DLGAP2: variants seen among roughly 807,000 people sequenced by gnomAD.
DLGAP2 encodes the protein DLG associated protein 2.
In DLGAP2, 26 loss-of-function variants were observed where a neutral mutation model predicts 100.3. The observed-to-expected ratio is 0.26, with a 90% confidence interval of 0.19 to 0.36. The LOEUF (loss-of-function observed/expected upper bound fraction) is 0.36. Ranked by LOEUF, DLGAP2 falls within the 10% of genes least tolerant of loss-of-function variation. DLGAP2 has a pLI of 1.00. For missense variants in DLGAP2, 1,858 were observed against 1,453.2 expected (o/e 1.28, Z -4.53); for synonymous variants, 886 against 630.1 (o/e 1.41, Z -6.08).
intron 7 of DLGAP2, among the ~76,000 whole-genome samples, chr8:1,630,557 C>G (rs905958276): frequency 6.6e-6 from 1 of 152,032 alleles, no homozygotes; most frequent in South Asian, 2.1e-4. Context: ...AAAAAATTAG[C>G]TGGGCATGGT....
chr8:1,682,744 G>T (rs1229042162), intron 12 of DLGAP2, among the ~76,000 whole-genome samples: 1 of 151,472 alleles, frequency 6.6e-6, no homozygotes, highest in East Asian at 1.9e-4. Flanking sequence ...AAAGTGCTAG[G>T]ATTACAGGTA....
intron 1 of DLGAP2, 97 bp downstream of exon 1, chr8:737,922 G>C (rs1172182038): frequency 1.7e-5 from 6 of 359,136 alleles, no homozygotes; most frequent in Middle Eastern, 7.5e-4. Flanking sequence ...GGGACGCCCC[G>C]AGGGCGTCAG....
At chr8:1,183,205 C>CG (rs1269583540) in intron 2 of DLGAP2, among the ~76,000 whole-genome samples, 1 of 152,014 alleles carries the variant, frequency 6.6e-6, no homozygotes, top group Non-Finnish European at 1.5e-5. Context: ...GAGGGCGTCT[C>CG]GGAGCGGGGT....
chr8:1,366,472 C>A (rs1802111058), intron 3 of DLGAP2, among the ~76,000 whole-genome samples: 1 of 152,198 alleles, frequency 6.6e-6, no homozygotes, highest in Admixed American at 6.5e-5. Flanking sequence ...AAGTGGGGGG[C>A]AGCCCAGGAG....
At chr8:1,009,201 C>T (rs1584970151) in intron 2 of DLGAP2, among the ~76,000 whole-genome samples, 1 of 152,320 alleles carries the variant, frequency 6.6e-6, no homozygotes, top group Admixed American at 6.5e-5. Flanking sequence ...CACCCACCTC[C>T]CAGTTCTGTC....
At chr8:790,577 C>A (rs1357685356) in intron 1 of DLGAP2, among the ~76,000 whole-genome samples, 1 of 152,092 alleles carries the variant, frequency 6.6e-6, no homozygotes, top group Non-Finnish European at 1.5e-5. Context: ...GTTTCCTGGT[C>A]CCAGTGTAAA....
At chr8:1,131,304 G>A (rs1488278246) in intron 2 of DLGAP2, among the ~76,000 whole-genome samples, 1 of 152,082 alleles carries the variant, frequency 6.6e-6, no homozygotes, top group Non-Finnish European at 1.5e-5. Flanking sequence ...TGCCATAGAT[G>A]GGCGGCTGAA....
chr8:1,213,051 C>A (rs983931259), intron 2 of DLGAP2, among the ~76,000 whole-genome samples: 32 of 152,030 alleles, frequency 2.1e-4, no homozygotes, highest in African/African-American at 7.7e-4. Flanking sequence ...ATTTGGGAGG[C>A]CACAGAACGG....
intron 5 of DLGAP2, chr8:1,565,402 C>G (rs1802356495): frequency 2.9e-6 from 1 of 350,314 alleles, no homozygotes; most frequent in Admixed American, 4.8e-5. Context: ...AGTGCTTTGT[C>G]CCAGCTGCTG....
intron 2 of DLGAP2, among the ~76,000 whole-genome samples, chr8:1,175,674 G>C (rs79734638): frequency 6.6e-6 from 1 of 152,166 alleles, no homozygotes; most frequent in Non-Finnish European, 1.5e-5. Flanking sequence ...GCTTGGTTTT[G>C]TCAAACTTTT....
intron 3 of DLGAP2, among the ~76,000 whole-genome samples, chr8:1,479,910 A>T (rs1275557755): frequency 6.6e-6 from 1 of 152,214 alleles, no homozygotes; most frequent in Non-Finnish European, 1.5e-5. Context: ...TTGTGAAAGT[A>T]TCTCAGCTGC....
chr8:790,277 A>G (rs1003843775), intron 1 of DLGAP2, among the ~76,000 whole-genome samples: 7 of 152,188 alleles, frequency 4.6e-5, no homozygotes, highest in African/African-American at 7.2e-5. Context: ...AAGGGAAATA[A>G]TAGAAGGGTT....
intron 3 of DLGAP2, among the ~76,000 whole-genome samples, chr8:1,373,303 C>CGCGGGCGGCAGCTGGCGGGCGGCAGCTG (rs371792635): frequency 3.3e-5 from 5 of 151,718 alleles, no homozygotes; most frequent in Non-Finnish European, 7.4e-5. Context: ...GAGCAGGGGC[C>CGCGGGCGGCAGCTGGCGGGCGGCAGCTG]GCGGGCGGCA....
rs1798173154 is a variant in DLGAP2, at chr8:897,787, A to G, written c.19-10125A>G. Reference sequence around the variant, plus strand: ...CTCTTCTGTTCAACGGCTTTTCCTTATGACACTGATGAGGAAAACATTGAT... The same window carrying G: ...CTCTTCTGTTCAACGGCTTTTCCTTGTGACACTGATGAGGAAAACATTGAT... On this transcript the variant is annotated intron_variant, in intron 1 of 14. Transcript: ENST00000637795. Among the ~76,000 whole-genome samples the G allele has an allele frequency of 3.3e-5, 5 of 151,976 alleles. No individual in the cohort carries two copies. The South Asian group carries it at 1.0e-3, about 32-fold the overall frequency.
chr8:1,003,830 A>G (rs563733041), intron 2 of DLGAP2, among the ~76,000 whole-genome samples: 8 of 152,322 alleles, frequency 5.3e-5, no homozygotes, highest in African/African-American at 1.9e-4. Flanking sequence ...GGAACCATTG[A>G]GTTAATGATG....
Position 1,374,852 on chromosome 8 carries a change from C to T in DLGAP2, c.106+115969C>T, listed in dbSNP as rs557494106. Among the ~76,000 whole-genome samples, 109 of 152,276 alleles carry T rather than the reference C, an allele frequency of 7.2e-4. 1 individual carries two copies. Among genetic ancestry groups the T allele is most frequent in the Middle Eastern group, 6.8e-3 (2 of 294 alleles). On this transcript the variant is annotated intron_variant, in intron 3 of 14. Transcript: ENST00000637795. The stretch of plus-strand genomic sequence containing the variant: ...AGGAAAGCAACTGTGCGTGGGACTC[C>T]GGTGCCGCACGGCCTGGCACTTCGT...
chr8:1,143,402 C>G (rs1184175234), intron 2 of DLGAP2, among the ~76,000 whole-genome samples: 1 of 152,164 alleles, frequency 6.6e-6, no homozygotes, highest in Non-Finnish European at 1.5e-5. Context: ...CCCTTAATAT[C>G]TCTATCAAAC....
At chr8:1,276,276 G>C (rs541691219) in intron 3 of DLGAP2, among the ~76,000 whole-genome samples, 4 of 151,450 alleles carry the variant, frequency 2.6e-5, no homozygotes, top group Non-Finnish European at 4.4e-5. Flanking sequence ...CATGATAGCT[G>C]CTTTTTTACC....
chr8:1,283,349 G>T (rs1799859387), intron 3 of DLGAP2, among the ~76,000 whole-genome samples: 1 of 152,044 alleles, frequency 6.6e-6, no homozygotes, highest in African/African-American at 2.4e-5. Context: ...CCCTGGATCT[G>T]TCCCTCTTCG....
Sources: gnomAD v4.1 joint callset for allele counts (sites outside exome capture counted in the v4.1 genomes callset) on GRCh38, gnomAD v4.1.1 for gene constraint, MANE v1.5 for transcripts, NCBI Gene and HGNC (gene_info 2026-07-23, HGNC 2026-07-21) for gene names.